The following DYRK1A variants were observed in gnomAD, a reference collection of about 807,000 sequenced individuals.
The protein encoded by DYRK1A is dual specificity tyrosine-phosphorylation-regulated kinase 1A.
Under a neutral mutation model 79.7 loss-of-function variants are expected in DYRK1A, and 9 were observed. The observed-to-expected ratio is 0.11, with a 90% CI of 0.07 to 0.20. DYRK1A has a LOEUF of 0.20. DYRK1A is among the 10% of genes least tolerant of loss of function. DYRK1A has a pLI of 1.00. For synonymous variants in DYRK1A, 349 were observed against 329.7 expected (o/e 1.06, Z -0.63); for missense variants, 622 against 956.0 (o/e 0.65, Z 4.61).
At position 37,512,060 on chromosome 21, in the gene DYRK1A, TCACCATCAC is replaced by T. The variant is rs774465388; in HGVS notation, c.1800_1808del (p.His608_His610del). ...ATCATCACCATGGTAACAGTTCCCATCACCATCACCACCACCACCACCATCACCACCACC... is the reference window on the plus strand; with the variant it reads ...ATCATCACCATGGTAACAGTTCCCATCACCACCACCACCATCACCACCACC... On this transcript the variant is annotated inframe_deletion, in exon 12 of 12. Transcript: ENST00000647188. 6.2e-7 allele frequency: 1 copy of T among 1,613,900 alleles called. No homozygotes were observed. Among genetic ancestry groups the T allele is most frequent in the East Asian group, 2.2e-5 (1 of 44,872 alleles).
intron 1 of DYRK1A, among the ~76,000 whole-genome samples, chr21:37,393,058 A>C (rs1365256424): frequency 1.3e-5 from 2 of 152,216 alleles, no homozygotes; most frequent in African/African-American, 4.8e-5. Flanking sequence ...ATCTCCCAGC[A>C]CTGTTATGTT....
chr21:37,370,078 C>G (rs944478581), intron 1 of DYRK1A, among the ~76,000 whole-genome samples: 1 of 152,042 alleles, frequency 6.6e-6, no homozygotes, highest in Non-Finnish European at 1.5e-5. Flanking sequence ...CTGTTTATGA[C>G]TTAAAGATAT....
At chr21:37,396,354 T>A (rs930717980) in intron 1 of DYRK1A, among the ~76,000 whole-genome samples, 35 of 152,308 alleles carry the variant, frequency 2.3e-4, no homozygotes, top group African/African-American at 7.9e-4. Flanking sequence ...TTTGTATTTG[T>A]CCGTTTTCTG....
At position 37,511,987 on chromosome 21, in the gene DYRK1A, C is replaced by G; in HGVS notation, c.1721C>G (p.Pro574Arg). Residue 574 changes from proline to arginine, a missense_variant, in exon 12 of 12, where the codon CCT (proline) becomes CGT (arginine). Transcript: ENST00000647188. Reference protein sequence around the residue: ...APTQVTVETHPVQETTFHVAP... With the variant: ...APTQVTVETHRVQETTFHVAP... Reference sequence around the variant, plus strand: ...ACACAGGTCACTGTTGAAACTCATCCTGTTCAAGAAACAACCTTTCATGTA... The same window carrying G: ...ACACAGGTCACTGTTGAAACTCATCGTGTTCAAGAAACAACCTTTCATGTA... 1 of 1,614,152 alleles carries G rather than the reference C, an allele frequency of 6.2e-7. No individual in the cohort carries two copies. Among genetic ancestry groups the G allele is most frequent in the Non-Finnish European group, 8.5e-7 (1 of 1,180,016 alleles).
At chr21:37,405,862 C>T (rs931499746) in intron 1 of DYRK1A, among the ~76,000 whole-genome samples, 8 of 152,114 alleles carry the variant, frequency 5.3e-5, no homozygotes, top group Non-Finnish European at 7.3e-5. Context: ...CAGTGCTGGA[C>T]GTCATCCAGT....
At chr21:37,380,562 G>A (rs965006978) in intron 1 of DYRK1A, among the ~76,000 whole-genome samples, 1 of 152,118 alleles carries the variant, frequency 6.6e-6, no homozygotes, top group African/African-American at 2.4e-5. Flanking sequence ...ATTCACGGGA[G>A]ACAGTTTGTA....
At chr21:37,444,717 G>A (rs1206430156) in intron 2 of DYRK1A, among the ~76,000 whole-genome samples, 1 of 152,130 alleles carries the variant, frequency 6.6e-6, no homozygotes, top group East Asian at 1.9e-4. Flanking sequence ...GGCATTTGGT[G>A]GGTAGGGGAT....
intron 7 of DYRK1A, among the ~76,000 whole-genome samples, chr21:37,491,067 GACTT>G (rs1181797279): frequency 2.0e-5 from 3 of 152,112 alleles, no homozygotes; most frequent in East Asian, 1.9e-4. Flanking sequence ...TCAGTTGATA[GACTT>G]ACTTGTTTTG....
At position 37,514,614 on chromosome 21, in the gene DYRK1A, T is replaced by TA. The variant is rs1437213932; in HGVS notation, c.*2084dup. 3 of 152,622 alleles carry TA rather than the reference T, an allele frequency of 2.0e-5. No individual in the cohort carries two copies. The highest frequency in any genetic ancestry group is 7.2e-5 in the African/African-American group (3 of 41,448). The allele number at this position is 152,622 out of a possible 1,614,324, so 9.5% of individuals were successfully genotyped here. The stretch of plus-strand genomic sequence containing the variant: ...GTAAATGTGAATGGAAACTTGGAAA[T>TA]ACTCGTTTTTATAAACTACAAAAAC... On this transcript the variant is annotated 3_prime_UTR_variant, in exon 12 of 12. Coordinates refer to ENST00000647188, the MANE Select transcript of DYRK1A (RefSeq NM_001347721.2).
chr21:37,518,990 T>C lies in DYRK1A; in HGVS notation c.*6459T>C, dbSNP rs941850074. On this transcript the variant is annotated 3_prime_UTR_variant, in exon 12 of 12. Coordinates refer to ENST00000647188, the MANE Select transcript of DYRK1A (RefSeq NM_001347721.2). ...GATAATTAAAATTTTCAATTTATGG[T>C]GCATTACAAAATGTTATAAACAAGC... 2.6e-5 allele frequency: 4 copies of C among 152,298 alleles called. No homozygotes were observed. The highest frequency in any genetic ancestry group is 4.4e-5 in the Non-Finnish European group (3 of 68,020). The allele number at this position is 152,298 out of a possible 1,614,324, so 9.4% of individuals were successfully genotyped here. A position where few individuals can be genotyped will look rare whatever the true frequency, so the allele number is the denominator to read the frequency against.
In DYRK1A at chr21:37,524,559, T is replaced by C. The variant is rs1320805412; in HGVS notation, c.*12028T>C. 1.3e-5 allele frequency: 2 copies of C among 152,254 alleles called. No individual in the cohort carries two copies. Among genetic ancestry groups the C allele is most frequent in the African/African-American group, 2.4e-5 (1 of 41,480 alleles). The allele number at this position is 152,254 out of a possible 1,614,324, so 9.4% of individuals were successfully genotyped here. A position where few individuals can be genotyped will look rare whatever the true frequency, so the allele number is the denominator to read the frequency against. Reference sequence around the variant, plus strand: ...TGCTCAGAGAAAGTAAACTTGTTTATTGGCCTTTCCACGACAACAGTTGCT... The same window carrying C: ...TGCTCAGAGAAAGTAAACTTGTTTACTGGCCTTTCCACGACAACAGTTGCT... On this transcript the variant is annotated 3_prime_UTR_variant, in exon 12 of 12. Coordinates refer to ENST00000647188, the MANE Select transcript of DYRK1A (RefSeq NM_001347721.2).
At chr21:37,409,843 C>T (rs9977979) in intron 1 of DYRK1A, among the ~76,000 whole-genome samples, 1 of 152,100 alleles carries the variant, frequency 6.6e-6, no homozygotes, top group African/African-American at 2.4e-5. Context: ...ATAACTTCCC[C>T]CCTCATGCAG....
At chr21:37,393,706 A>C (rs907200983) in intron 1 of DYRK1A, among the ~76,000 whole-genome samples, 2 of 152,350 alleles carry the variant, frequency 1.3e-5, no homozygotes, top group Admixed American at 1.3e-4. Flanking sequence ...CAGTGGCTTA[A>C]AACAATATTC....
intron 1 of DYRK1A, among the ~76,000 whole-genome samples, chr21:37,379,106 A>G (rs2049606269): frequency 6.6e-6 from 1 of 151,986 alleles, no homozygotes; most frequent in Non-Finnish European, 1.5e-5. Flanking sequence ...AGTGAAGGGG[A>G]CACTTGTGGA....
chr21:37,495,710 G>A (rs907819439), intron 8 of DYRK1A, among the ~76,000 whole-genome samples: 1 of 152,076 alleles, frequency 6.6e-6, no homozygotes, highest in African/African-American at 2.4e-5. Context: ...GATCACTTGA[G>A]CCTGGGAGGA....
chr21:37,485,500 TA>T (rs2052825862), intron 5 of DYRK1A, among the ~76,000 whole-genome samples: 2 of 152,220 alleles, frequency 1.3e-5, no homozygotes, highest in African/African-American at 4.8e-5. Flanking sequence ...TCTGAGAACA[TA>T]CGTTTCATCC....
intron 1 of DYRK1A, among the ~76,000 whole-genome samples, chr21:37,416,317 C>CCTTTTT (rs2050338132): frequency 1.0e-5 from 1 of 98,148 alleles, no homozygotes; most frequent in Non-Finnish European, 2.0e-5. Context: ...GTGTTTTGGC[C>CCTTTTT]TTTTTTTTTT....
chr21:37,446,702 C>G (rs1371341072), intron 2 of DYRK1A, among the ~76,000 whole-genome samples: 1 of 152,016 alleles, frequency 6.6e-6, no homozygotes, highest in Non-Finnish European at 1.5e-5. Context: ...ACAGTAATGG[C>G]AGATGAGCCT....
At chr21:37,463,085 T>C (rs2051897896) in intron 2 of DYRK1A, among the ~76,000 whole-genome samples, 1 of 152,128 alleles carries the variant, frequency 6.6e-6, no homozygotes, top group African/African-American at 2.4e-5. Context: ...CCTGAGATTT[T>C]ATTTACGTCT....
Sources: allele counts gnomAD v4.1 joint callset (sites outside exome capture counted in the v4.1 genomes callset), GRCh38; gene constraint gnomAD v4.1.1; transcripts MANE v1.5; gene names NCBI Gene and HGNC (gene_info 2026-07-23, HGNC 2026-07-21).